The following DMXL2 variants were observed in gnomAD, a reference collection of about 807,000 sequenced individuals.
The protein encoded by DMXL2 is Dmx like 2, also known as dmX-like protein 2.
A neutral mutation model predicts 331.1 loss-of-function variants in DMXL2; 103 were observed. That is an observed-to-expected ratio of 0.31 (90% CI 0.27 to 0.37). DMXL2 has a LOEUF of 0.37. DMXL2 is among the 10% of genes least tolerant of loss of function. The pLI is 1.00. For synonymous variants in DMXL2, 1,281 were observed against 1,252.1 expected, an observed-to-expected ratio of 1.02 and a Z score of -0.49; for missense variants, 3,171 against 3,642.9, an observed-to-expected ratio of 0.87 and a Z score of 3.33.
chr15:51,495,917 C>A, intron 18 of DMXL2, among the ~76,000 whole-genome samples: 1 of 151,914 alleles, frequency 6.6e-6, no homozygotes. Context: ...TATATCCATC[C>A]ATCCATCTAT....
intron 1 of DMXL2, among the ~76,000 whole-genome samples, chr15:51,588,733 T>G (rs542368364): frequency 6.6e-6 from 1 of 152,320 alleles, no homozygotes; most frequent in South Asian, 2.1e-4. Context: ...ACTATTAAAC[T>G]GTAATTAAAC....
In DMXL2 at chr15:51,560,976, T is replaced by C. The variant is rs75423878; in HGVS notation, c.567+2405A>G. ...GTTTTATATATACTTTTTTAATTTA[T>C]GAAATATTTTGTAATTTAAAAAAAA... On this transcript the variant is annotated intron_variant, in intron 6 of 43. Transcript: ENST00000560891. 7.4e-3 allele frequency among the ~76,000 whole-genome samples: 999 copies of C among 134,478 alleles called. 17 individuals carry two copies. The highest frequency in any genetic ancestry group is 0.025 in the African/African-American group (960 of 37,808). 88.2% of individuals were successfully genotyped at this position (134,478 alleles called of 152,430 possible). A position where few individuals can be genotyped will look rare whatever the true frequency, so the allele number is the denominator to read the frequency against.
At chr15:51,604,845 C>A (rs190040864) in intron 1 of DMXL2, among the ~76,000 whole-genome samples, 16 of 152,110 alleles carry the variant, frequency 1.1e-4, no homozygotes, top group Admixed American at 2.6e-4. Flanking sequence ...ATAAGACTTA[C>A]CATAAAGTCA....
rs180672401 is a variant in DMXL2, at chr15:51,448,259, G to A, written c.*725C>T. 18 of 152,818 alleles carry A rather than the reference G, an allele frequency of 1.2e-4. No individual in the cohort carries two copies. The highest frequency in any genetic ancestry group is 4.3e-4 in the African/African-American group (18 of 41,566). The allele number at this position is 152,818 out of a possible 1,614,324, so 9.5% of individuals were successfully genotyped here. On this transcript the variant is annotated 3_prime_UTR_variant, in exon 44 of 44. Transcript: ENST00000560891. ...AAAAGTACTAAACTGGACTAAGAAG[G>A]TGTGTTTGGTTAACTACAAATATGT...
chr15:51,468,353 A>G (rs1360517844), intron 29 of DMXL2, among the ~76,000 whole-genome samples: 2 of 152,200 alleles, frequency 1.3e-5, no homozygotes, highest in South Asian at 2.1e-4. Flanking sequence ...AATAATCTCA[A>G]AAAGATTCGG....
Position 51,456,378 on chromosome 15 carries a change from GAA to G in DMXL2, c.8338-11_8338-10del. 6.5e-7 allele frequency: 1 copy of G among 1,543,664 alleles called. No homozygotes were observed. The highest frequency in any genetic ancestry group is 2.0e-5 in the Admixed American group (1 of 49,070). On this transcript the variant is annotated splice_polypyrimidine_tract_variant and intron_variant, in intron 37 of 43. Coordinates refer to ENST00000560891, the MANE Select transcript of DMXL2 (RefSeq NM_001378457.1). ...AGATTCCTTTTCATAAGCTTTAAAA[GAA>G]AATTTTAAAAATTTTATTTTGTGTA...
chr15:51,563,454 A>C lies in DMXL2; in HGVS notation c.501-7T>G, dbSNP rs1567122395. On this transcript the variant is annotated splice_region_variant and splice_polypyrimidine_tract_variant and intron_variant, in intron 5 of 43. Coordinates refer to ENST00000560891, the MANE Select transcript of DMXL2 (RefSeq NM_001378457.1). ...ATGTACAGATACTGAGGTTCTAAAA[A>C]AGAGAGAGTTAGGCAATTAGCCCTT... 6.3e-7 allele frequency: 1 copy of C among 1,598,778 alleles called. No individual in the cohort carries two copies. The highest frequency in any genetic ancestry group is 1.7e-4 in the Middle Eastern group (1 of 6,026).
intron 1 of DMXL2, among the ~76,000 whole-genome samples, chr15:51,596,910 G>C (rs572780010): frequency 6.6e-6 from 1 of 152,190 alleles, no homozygotes; most frequent in Admixed American, 6.5e-5. Flanking sequence ...ATCACACACC[G>C]GGGCCTGTTG....
At chr15:51,528,729 A>C (rs1418752184) in intron 13 of DMXL2, among the ~76,000 whole-genome samples, 1 of 151,866 alleles carries the variant, frequency 6.6e-6, no homozygotes, top group East Asian at 1.9e-4. Context: ...AAAATCAACA[A>C]AGAAACATCA....
At position 51,561,520 on chromosome 15, in the gene DMXL2, C is replaced by T. The variant is rs542486957; in HGVS notation, c.567+1861G>A. Among the ~76,000 whole-genome samples the T allele has an allele frequency of 5.8e-5, 7 of 120,958 alleles. No homozygotes were observed. The East Asian group carries it at 1.6e-3, about 28-fold the overall frequency. 79.4% of individuals were successfully genotyped at this position (120,958 alleles called of 152,430 possible). A position where few individuals can be genotyped will look rare whatever the true frequency, so the allele number is the denominator to read the frequency against. Reference sequence around the variant, plus strand: ...GCCAGGCATGCAGGCCCTTGGGCTCCCAGGCAGCATACAAGACGCCAGTAG... The same window carrying T: ...GCCAGGCATGCAGGCCCTTGGGCTCTCAGGCAGCATACAAGACGCCAGTAG... On this transcript the variant is annotated intron_variant, in intron 6 of 43. Transcript: ENST00000560891.
intron 15 of DMXL2, 101 bp from the exon 16 acceptor site, chr15:51,507,354 T>G: frequency 1.7e-6 from 2 of 1,196,052 alleles, no homozygotes; most frequent in Non-Finnish European, 2.3e-6. Context: ...GCATGGAAGT[T>G]GGGAAGAAAA....
chr15:51,490,025 G>A (rs1470138674), intron 20 of DMXL2, among the ~76,000 whole-genome samples: 1 of 152,106 alleles, frequency 6.6e-6, no homozygotes, highest in Non-Finnish European at 1.5e-5. Flanking sequence ...CAGTGCTTTG[G>A]AATATAAAAC....
intron 18 of DMXL2, among the ~76,000 whole-genome samples, chr15:51,496,519 G>GT (rs746114274): frequency 6.6e-6 from 1 of 152,178 alleles, no homozygotes; most frequent in Admixed American, 6.5e-5. Flanking sequence ...TTAGGCCACT[G>GT]TAAGGCTCTT....
chr15:51,567,558 T>C (rs1357422603), intron 3 of DMXL2: 1 of 152,160 alleles, frequency 6.6e-6, no homozygotes, highest in Non-Finnish European at 1.5e-5. Flanking sequence ...AAAGGATCTA[T>C]GGGAGCTATC....
intron 25 of DMXL2, 104 bp downstream of exon 25, chr15:51,479,844 G>T: frequency 3.7e-6 from 3 of 804,154 alleles, no homozygotes; most frequent in Non-Finnish European, 3.6e-6. Context: ...AGTGAGAAAG[G>T]TAGCACTTTG....
chr15:51,459,799 T>A, intron 33 of DMXL2, 139 bp from the exon 34 acceptor site: 2 of 1,205,060 alleles, frequency 1.7e-6, no homozygotes, highest in Non-Finnish European at 2.1e-6. Context: ...AAGAAAAAAT[T>A]AAACCGAATA....
In DMXL2 at chr15:51,474,467, T is replaced by G. The variant is rs757235439; in HGVS notation, c.7090A>C (p.Asn2364His). The change falls in exon 28 of 44, where the codon AAT (asparagine) becomes CAT (histidine). Residue 2364 changes from asparagine to histidine, a missense_variant. Physicochemically the swap from Asn to His is moderately conservative, Grantham distance 68. This residue lies in a region of DMXL2 where 766 missense variants were observed against 940.5 expected (regional missense o/e 0.81). Coordinates refer to ENST00000560891, the MANE Select transcript of DMXL2 (RefSeq NM_001378457.1). ...AGCCGAAATAATTCACTGGAGGAAT[T>G]TGTGGCAAGAGCATGTATCAATAAA... ...LSLLIHALAT[N>H]SSSELFRLAA... 1.2e-6 allele frequency: 2 copies of G among 1,614,174 alleles called. No individual in the cohort carries two copies. Among genetic ancestry groups the G allele is most frequent in the Admixed American group, 1.7e-5 (1 of 60,024 alleles).
At chr15:51,458,921 G>GA in intron 34 of DMXL2, 126 bp from the exon 35 acceptor site, 1 of 793,292 alleles carries the variant, frequency 1.3e-6, no homozygotes. Flanking sequence ...GCAGCAGCAA[G>GA]AAAAAAGGGT....
At chr15:51,594,525 A>G (rs1192195509) in intron 1 of DMXL2, among the ~76,000 whole-genome samples, 2 of 152,214 alleles carry the variant, frequency 1.3e-5, no homozygotes, top group Admixed American at 6.5e-5. Flanking sequence ...AACTATTCCA[A>G]TCAAAAGAAA....
Sources: allele counts gnomAD v4.1 joint callset (sites outside exome capture counted in the v4.1 genomes callset), GRCh38; gene constraint gnomAD v4.1.1; regional missense constraint gnomAD v4.1.1; transcripts MANE v1.5; gene names NCBI Gene and HGNC (gene_info 2026-07-23, HGNC 2026-07-21).